FHIT: variants seen among roughly 807,000 people sequenced by gnomAD.
FHIT encodes the protein bis(5'-adenosyl)-triphosphatase.
Under a neutral mutation model 17.9 loss-of-function variants are expected in FHIT, and 19 were observed. The ratio of observed to expected loss-of-function variants is 1.06; its 90% CI spans 0.74 to 1.56. The LOEUF is 1.56. Ranked by LOEUF, FHIT falls within the 40% of genes most tolerant of loss-of-function variation. FHIT has a pLI of 0.00. For synonymous variants in FHIT, 81 were observed against 69.7 expected (o/e 1.16, Z -0.81); for missense variants, 248 against 189.2 (o/e 1.31, Z -1.82).
At chr3:60,687,986 G>A (rs527475215) in intron 4 of FHIT, among the ~76,000 whole-genome samples, 14 of 148,780 alleles carry the variant, frequency 9.4e-5, no homozygotes, top group South Asian at 2.1e-4. Flanking sequence ...TTTTAATTTC[G>A]CTTCTGCCTA....
chr3:61,006,726 A>G (rs1306416493), intron 3 of FHIT, among the ~76,000 whole-genome samples: 1 of 152,018 alleles, frequency 6.6e-6, no homozygotes, highest in African/African-American at 2.4e-5. Context: ...AGTTTGCTGA[A>G]TTACTGCTGA....
chr3:60,726,513 G>T (rs991747450), intron 4 of FHIT, among the ~76,000 whole-genome samples: 1 of 152,142 alleles, frequency 6.6e-6, no homozygotes, highest in Non-Finnish European at 1.5e-5. Context: ...AGTGGGCTGA[G>T]TCTGGTCAGT....
chr3:60,486,723 C>T lies in FHIT; in HGVS notation c.103+50137G>A, dbSNP rs376460748. Among the ~76,000 whole-genome samples, 42 of 152,220 alleles carry T rather than the reference C, an allele frequency of 2.8e-4. No homozygotes were observed. In the East Asian group the frequency reaches 3.5e-3, roughly 13 times the overall value. ...GATGAACAAAGCCAAAACACTTCTC[C>T]TTATCAAAAAGACATGTTATAATGC... On this transcript the variant is annotated intron_variant, in intron 5 of 9. Coordinates refer to ENST00000492590, the MANE Select transcript of FHIT (RefSeq NM_002012.4).
chr3:60,389,561 G>T (rs1233387070), intron 5 of FHIT, among the ~76,000 whole-genome samples: 1 of 152,114 alleles, frequency 6.6e-6, no homozygotes, highest in Non-Finnish European at 1.5e-5. Context: ...GAGAATGTCT[G>T]TTTCAGGATT....
At chr3:60,205,311 TG>T (rs1436309225) in intron 5 of FHIT, among the ~76,000 whole-genome samples, 1 of 152,180 alleles carries the variant, frequency 6.6e-6, no homozygotes, top group African/African-American at 2.4e-5. Flanking sequence ...AAACAATGAC[TG>T]AAAAATCTCT....
chr3:60,021,631 C>A (rs993266451), intron 5 of FHIT, among the ~76,000 whole-genome samples: 2 of 152,114 alleles, frequency 1.3e-5, no homozygotes, highest in African/African-American at 4.8e-5. Flanking sequence ...ATCAATAACC[C>A]TTTGAGTTAG....
At chr3:60,505,676 T>C (rs2034700259) in intron 5 of FHIT, among the ~76,000 whole-genome samples, 1 of 152,206 alleles carries the variant, frequency 6.6e-6, no homozygotes, top group Non-Finnish European at 1.5e-5. Flanking sequence ...TTGGGCTCTG[T>C]TTTTGATTGC....
At chr3:60,261,644 T>A (rs894855554) in intron 5 of FHIT, among the ~76,000 whole-genome samples, 1 of 152,024 alleles carries the variant, frequency 6.6e-6, no homozygotes, top group Non-Finnish European at 1.5e-5. Flanking sequence ...ATTTAATGGA[T>A]AAGCTTGACT....
chr3:60,893,384 T>A (rs1705616490), intron 3 of FHIT, among the ~76,000 whole-genome samples: 1 of 152,224 alleles, frequency 6.6e-6, no homozygotes, highest in South Asian at 2.1e-4. Flanking sequence ...TTTGTATGCT[T>A]TTCTCTTATT....
chr3:60,043,764 T>C (rs1433832640), intron 5 of FHIT, among the ~76,000 whole-genome samples: 3 of 152,200 alleles, frequency 2.0e-5, no homozygotes, highest in Non-Finnish European at 4.4e-5. Context: ...GTTATGGCTT[T>C]TTCTCACATC....
chr3:60,219,342 A>G (rs537104189), intron 5 of FHIT, among the ~76,000 whole-genome samples: 1 of 152,104 alleles, frequency 6.6e-6, no homozygotes, highest in Non-Finnish European at 1.5e-5. Context: ...ACTTTGTTCA[A>G]TATCTATTTC....
intron 3 of FHIT, among the ~76,000 whole-genome samples, chr3:60,926,041 C>T (rs1298947666): frequency 1.3e-5 from 2 of 152,112 alleles, no homozygotes; most frequent in African/African-American, 4.8e-5. Context: ...TACAGGAGCA[C>T]CCAGATTCAT....
At chr3:60,732,376 A>C in intron 4 of FHIT, 1 of 806,826 alleles carries the variant, frequency 1.2e-6, no homozygotes, top group Non-Finnish European at 2.2e-6. Context: ...TTCAGGATGA[A>C]GTTCTCCTCA....
intron 3 of FHIT, among the ~76,000 whole-genome samples, chr3:60,922,575 T>C (rs1553768689): frequency 2.0e-5 from 3 of 152,236 alleles, no homozygotes. Context: ...TAGTGATTTC[T>C]TTATTTTTTA....
intron 5 of FHIT, among the ~76,000 whole-genome samples, chr3:60,239,850 T>C (rs536446356): frequency 5.3e-5 from 8 of 152,276 alleles, no homozygotes; most frequent in African/African-American, 1.9e-4. Context: ...AAGTCAAATC[T>C]ATAGATACAG....
At chr3:61,041,359 G>C (rs1054846707) in intron 3 of FHIT, among the ~76,000 whole-genome samples, 4 of 151,394 alleles carry the variant, frequency 2.6e-5, no homozygotes, top group East Asian at 1.9e-4. Context: ...CCTGGTGACA[G>C]AGCCTGGCTC....
chr3:59,772,520 G>C (rs528429581), intron 8 of FHIT, among the ~76,000 whole-genome samples: 1 of 152,320 alleles, frequency 6.6e-6, no homozygotes, highest in African/African-American at 2.4e-5. Flanking sequence ...CAGACATGAG[G>C]AAGCTGAGCA....
At chr3:60,641,300 G>C (rs1386897665) in intron 4 of FHIT, among the ~76,000 whole-genome samples, 1 of 152,174 alleles carries the variant, frequency 6.6e-6, no homozygotes, top group Admixed American at 6.5e-5. Flanking sequence ...ATATATGTAA[G>C]AATATTTTTA....
intron 3 of FHIT, among the ~76,000 whole-genome samples, chr3:61,018,653 A>G (rs2032245077): frequency 6.6e-6 from 1 of 152,238 alleles, no homozygotes; most frequent in Non-Finnish European, 1.5e-5. Context: ...CTGAGATAAA[A>G]TGGAATAGAA....
Sources: allele counts gnomAD v4.1 joint callset (sites outside exome capture counted in the v4.1 genomes callset), GRCh38; gene constraint gnomAD v4.1.1; transcripts MANE v1.5; gene names NCBI Gene and HGNC (gene_info 2026-07-23, HGNC 2026-07-21).